KIF5A: variants seen among roughly 807,000 people sequenced by gnomAD.
KIF5A encodes the protein kinesin heavy chain isoform 5A.
In KIF5A, 35 loss-of-function variants were observed where a neutral mutation model predicts 141.3. The ratio of observed to expected loss-of-function variants is 0.25; its 90% CI spans 0.19 to 0.33. KIF5A has a LOEUF of 0.33. Ranked by LOEUF, KIF5A falls within the 10% of genes least tolerant of loss-of-function variation. The pLI is 1.00. For synonymous variants in KIF5A, 448 were observed against 500.2 expected (o/e 0.90, Z 1.39); for missense variants, 861 against 1,314.3 (o/e 0.66, Z 5.33).
intron 12 of KIF5A, 118 bp from the exon 13 acceptor site, chr12:57,571,203 C>T: frequency 1.4e-6 from 1 of 737,882 alleles, no homozygotes; most frequent in Non-Finnish European, 2.5e-6. Context: ...GGGTTTCTAA[C>T]TCAAAGCTTA....
At chr12:57,551,577 C>T (rs1364579747) in intron 1 of KIF5A, among the ~76,000 whole-genome samples, 1 of 152,046 alleles carries the variant, frequency 6.6e-6, no homozygotes, top group Non-Finnish European at 1.5e-5. Flanking sequence ...TTGAGGGGTG[C>T]TGGGCCAGGA....
intron 24 of KIF5A, 36 bp downstream of exon 24, chr12:57,581,208 C>T (rs776747399): frequency 1.3e-6 from 2 of 1,596,918 alleles, no homozygotes; most frequent in African/African-American, 2.7e-5. Flanking sequence ...GGGAGTATCT[C>T]CTGAAGCAAA....
chr12:57,571,946 A>T (rs113655154), intron 13 of KIF5A, 115 bp from the exon 14 acceptor site: 20 of 828,360 alleles, frequency 2.4e-5, no homozygotes, highest in Non-Finnish European at 4.0e-5. Flanking sequence ...CCTAAAGCCC[A>T]CTTCCTCTTA....
In KIF5A at chr12:57,575,136, A is replaced by T; in HGVS notation, c.1769A>T (p.Tyr590Phe). 1 of 1,614,072 alleles carries T rather than the reference A, an allele frequency of 6.2e-7. No homozygotes were observed. The highest frequency in any genetic ancestry group is 8.5e-7 in the Non-Finnish European group (1 of 1,179,994). Residue 590 changes from tyrosine to phenylalanine, a missense_variant, in exon 16 of 29, where the codon TAC (tyrosine) becomes TTC (phenylalanine). By Grantham distance (22) the Tyr-to-Phe change is conservative. This residue lies in a region of KIF5A where 482 missense variants were observed against 661.3 expected (regional missense o/e 0.73). Transcript: ENST00000455537. Reference protein sequence around the residue: ...IEEEFTVARLYISKIKSEVKS... With the variant: ...IEEEFTVARLFISKIKSEVKS... Reference sequence around the variant, plus strand: ...GAGGAGTTCACTGTGGCCCGACTCTACATCAGCAAAATCAAATCAGAAGTC... The same window carrying T: ...GAGGAGTTCACTGTGGCCCGACTCTTCATCAGCAAAATCAAATCAGAAGTC...
At chr12:57,560,171 C>T (rs963098727) in intron 1 of KIF5A, among the ~76,000 whole-genome samples, 2 of 152,142 alleles carry the variant, frequency 1.3e-5, no homozygotes, top group Admixed American at 1.3e-4. Context: ...AGATTACAGG[C>T]GTGAGCCACC....
chr12:57,583,048 A>G (rs1882653778), intron 27 of KIF5A, 53 bp from the exon 28 acceptor site: 1 of 1,412,154 alleles, frequency 7.1e-7, no homozygotes, highest in South Asian at 1.2e-5. Flanking sequence ...AACCATGATG[A>G]CAGGAATACT....
chr12:57,564,967 T>C lies in KIF5A; in HGVS notation c.495T>C (p.Phe165=). The C allele has an allele frequency of 6.2e-7, 1 of 1,614,160 alleles. No homozygotes were observed. The highest frequency in any genetic ancestry group is 8.5e-7 in the Non-Finnish European group (1 of 1,180,004). ...ACGAGGACAAGAACCGGGTGCCATTTGTCAAGGTGAGAGTGGGTGTGGGGC... is the reference window on the plus strand; with the variant it reads ...ACGAGGACAAGAACCGGGTGCCATTCGTCAAGGTGAGAGTGGGTGTGGGGC... ...SVHEDKNRVP[F]VKGCTERFVS... The change falls in exon 6 of 29, where the codon TTT becomes TTC. Residue 165 remains phenylalanine, a synonymous_variant. Coordinates refer to ENST00000455537, the MANE Select transcript of KIF5A (RefSeq NM_004984.4).
intron 16 of KIF5A, 51 bp from the exon 17 acceptor site, chr12:57,575,589 G>A (rs1352909396): frequency 6.9e-7 from 1 of 1,455,284 alleles, no homozygotes. Context: ...TGTGGCCTGG[G>A]TTTGTGTCCT....
intron 1 of KIF5A, among the ~76,000 whole-genome samples, chr12:57,554,819 G>T (rs1881683059): frequency 6.6e-6 from 1 of 152,140 alleles, no homozygotes; most frequent in African/African-American, 2.4e-5. Context: ...CTTTTTAACA[G>T]CCAGCTCTCA....
intron 15 of KIF5A, among the ~76,000 whole-genome samples, chr12:57,574,071 G>A (rs1882344299): frequency 1.4e-5 from 2 of 141,232 alleles, no homozygotes; most frequent in African/African-American, 2.7e-5. Flanking sequence ...GACAGAGGGA[G>A]ACTCTGTCTC....
At position 57,568,959 on chromosome 12, in the gene KIF5A, G is replaced by C. The variant is rs1882156779; in HGVS notation, c.715-4G>C. On this transcript the variant is annotated splice_region_variant and splice_polypyrimidine_tract_variant and intron_variant, in intron 8 of 28. Coordinates refer to ENST00000455537, the MANE Select transcript of KIF5A (RefSeq NM_004984.4). ...TACACACTCATCTCTTACTGCCCTG[G>C]TAGGTCAGCAAGACTGGAGCAGAGG... The C allele has an allele frequency of 1.9e-6, 3 of 1,607,544 alleles. No individual in the cohort carries two copies. Among genetic ancestry groups the C allele is most frequent in the Non-Finnish European group, 2.6e-6 (3 of 1,174,384 alleles).
In KIF5A at chr12:57,583,097, C is replaced by T. The variant is rs765027363; in HGVS notation, c.3021-4C>T. 2 of 1,612,604 alleles carry T rather than the reference C, an allele frequency of 1.2e-6. No individual in the cohort carries two copies. The highest frequency in any genetic ancestry group is 1.7e-6 in the Non-Finnish European group (2 of 1,178,778). ...AGCTGATCATGGTGGGTCTCTTCCT[C>T]CAGGAGTGACCTGCCGTGTGGCTAT... On this transcript the variant is annotated splice_polypyrimidine_tract_variant and splice_region_variant and intron_variant, in intron 27 of 28. Coordinates refer to ENST00000455537, the MANE Select transcript of KIF5A (RefSeq NM_004984.4).
intron 15 of KIF5A, among the ~76,000 whole-genome samples, chr12:57,573,776 C>T (rs1202645152): frequency 6.9e-6 from 1 of 144,846 alleles, no homozygotes; most frequent in African/African-American, 2.6e-5. Flanking sequence ...TGCAGTGAGC[C>T]GAGATTGCAC....
chr12:57,550,078 C>T lies in KIF5A; in HGVS notation c.-194C>T, dbSNP rs889199653. 1.8e-5 allele frequency: 12 copies of T among 664,316 alleles called. No homozygotes were observed. Among genetic ancestry groups the T allele is most frequent in the Non-Finnish European group, 2.8e-5 (11 of 388,026 alleles). The allele number at this position is 664,316 out of a possible 1,614,324, so 41.2% of individuals were successfully genotyped here. A position where few individuals can be genotyped will look rare whatever the true frequency, so the allele number is the denominator to read the frequency against. ...GAAAGGACCAGACGCCCAGGTCGCC[C>T]GCATCCCGCTGCCGCAGGAGAGAGA... On this transcript the variant is annotated 5_prime_UTR_variant, in exon 1 of 29. Coordinates refer to ENST00000455537, the MANE Select transcript of KIF5A (RefSeq NM_004984.4). The surrounding 1 kb of genome is among the most constrained non-coding windows in gnomAD (Gnocchi z 4.6).
At position 57,582,902 on chromosome 12, in the gene KIF5A, C is replaced by T. The variant is rs1882650296; in HGVS notation, c.3021-199C>T. The T allele has an allele frequency of 5.5e-5, 36 of 651,540 alleles. 1 individual carries two copies. The highest frequency in any genetic ancestry group is 3.0e-4 in the South Asian group (17 of 55,926). 40.4% of individuals were successfully genotyped at this position (651,540 alleles called of 1,614,324 possible). ...ACGTGGGCATCTGACGACTGGGTTT[C>T]TCTCCTACCTTTGGAAGCCTTGTGA... On this transcript the variant is annotated intron_variant, in intron 27 of 28. Coordinates refer to ENST00000455537, the MANE Select transcript of KIF5A (RefSeq NM_004984.4).
chr12:57,577,890 AT>A, intron 21 of KIF5A, 117 bp downstream of exon 21: 2 of 1,254,940 alleles, frequency 1.6e-6, no homozygotes, highest in Non-Finnish European at 2.3e-6. Context: ...ATCAAGACAC[AT>A]TTTTTCCTAA....
chr12:57,550,237 C>G lies in KIF5A; in HGVS notation c.-35C>G. 1 of 1,613,300 alleles carries G rather than the reference C, an allele frequency of 6.2e-7. No homozygotes were observed. Among genetic ancestry groups the G allele is most frequent in the South Asian group, 1.1e-5 (1 of 91,066 alleles). On this transcript the variant is annotated 5_prime_UTR_variant, in exon 1 of 29. Coordinates refer to ENST00000455537, the MANE Select transcript of KIF5A (RefSeq NM_004984.4). This position sits in a 1 kb window ranked among gnomAD's most constrained non-coding sequence, Gnocchi z 4.6. ...CTGGAGCACACACCACCCCTGCAGC[C>G]CAAGAAGAGTCCCAGCCCCACGCCG...
chr12:57,573,322 G>C (rs1882313029), intron 15 of KIF5A, among the ~76,000 whole-genome samples: 1 of 152,148 alleles, frequency 6.6e-6, no homozygotes, highest in Admixed American at 6.5e-5. Context: ...TTGAGCCCAG[G>C]AGTTCACGAC....
At chr12:57,561,560 A>AT (rs1026956170) in intron 1 of KIF5A, among the ~76,000 whole-genome samples, 5 of 152,026 alleles carry the variant, frequency 3.3e-5, no homozygotes, top group Admixed American at 2.0e-4. Context: ...TTTAGGTAGG[A>AT]TTTTTTTCTA....
Sources: gnomAD v4.1 joint callset for allele counts (sites outside exome capture counted in the v4.1 genomes callset) on GRCh38, gnomAD v4.1.1 for gene constraint, gnomAD v4.1.1 regional missense constraint, Gnocchi (gnomAD v3.1) non-coding constraint, MANE v1.5 for transcripts, NCBI Gene and HGNC (gene_info 2026-07-23, HGNC 2026-07-21) for gene names.